The following CDYL2 variants were observed in gnomAD, a reference collection of about 807,000 sequenced individuals.
CDYL2 encodes chromodomain Y-like protein 2.
A neutral mutation model predicts 49.4 loss-of-function variants in CDYL2; 23 were observed. The ratio of observed to expected loss-of-function variants is 0.47; its 90% CI spans 0.34 to 0.66. CDYL2 has a LOEUF of 0.66. Ranked by LOEUF, CDYL2 falls within the 30% of genes least tolerant of loss-of-function variation. CDYL2 has a pLI of 0.01. For missense variants in CDYL2, 678 were observed against 656.4 expected (o/e 1.03, Z -0.36); for synonymous variants, 360 against 268.8 (o/e 1.34, Z -3.32).
chr16:80,788,873 C>A (rs1219541492), intron 1 of CDYL2, among the ~76,000 whole-genome samples: 1 of 152,100 alleles, frequency 6.6e-6, no homozygotes, highest in Non-Finnish European at 1.5e-5. Flanking sequence ...TACCCAGAAT[C>A]TACAAAGAAC....
At chr16:80,629,699 C>T (rs1030529445) in intron 3 of CDYL2, among the ~76,000 whole-genome samples, 1 of 152,214 alleles carries the variant, frequency 6.6e-6, no homozygotes, top group African/African-American at 2.4e-5. Flanking sequence ...TTAATGCACA[C>T]AGTAATGTAT....
intron 1 of CDYL2, among the ~76,000 whole-genome samples, chr16:80,756,494 T>G (rs1277448322): frequency 3.3e-5 from 5 of 152,134 alleles, no homozygotes; most frequent in African/African-American, 7.2e-5. Flanking sequence ...AGGAATTTTT[T>G]GGGTAAATAC....
chr16:80,781,537 T>C (rs140452453), intron 1 of CDYL2, among the ~76,000 whole-genome samples: 44 of 152,194 alleles, frequency 2.9e-4, no homozygotes, highest in Non-Finnish European at 2.2e-4. Flanking sequence ...CTATTAGACC[T>C]AACAGATACA....
rs149886150 is a variant in CDYL2, at chr16:80,771,948, G to C, written c.24+32202C>G. ...AGTGATGGAGAATAACTGCATATGA[G>C]GGGAACACCAGCAGAACCAGGGAGA... On this transcript the variant is annotated intron_variant, in intron 1 of 6. Transcript: ENST00000570137. 4.4e-4 allele frequency among the ~76,000 whole-genome samples: 67 copies of C among 152,196 alleles called. No homozygotes were observed. In the Middle Eastern group the frequency reaches 0.01, roughly 23 times the overall value.
At chr16:80,789,028 C>T (rs775608185) in intron 1 of CDYL2, among the ~76,000 whole-genome samples, 2 of 152,040 alleles carry the variant, frequency 1.3e-5, no homozygotes, top group African/African-American at 4.8e-5. Flanking sequence ...AAATGCTCAA[C>T]ATCACTAATC....
chr16:80,683,249 G>C (rs1458542545), intron 2 of CDYL2, among the ~76,000 whole-genome samples: 1 of 152,240 alleles, frequency 6.6e-6, no homozygotes, highest in African/African-American at 2.4e-5. Flanking sequence ...ACTCCTGTAA[G>C]ATTTCTGGAC....
chr16:80,798,634 A>G (rs963226032), intron 1 of CDYL2, among the ~76,000 whole-genome samples: 1 of 152,206 alleles, frequency 6.6e-6, no homozygotes, highest in African/African-American at 2.4e-5. Flanking sequence ...TGTTATCAGT[A>G]AGACTTCCAG....
chr16:80,762,506 G>C (rs1280507706), intron 1 of CDYL2, among the ~76,000 whole-genome samples: 2 of 152,186 alleles, frequency 1.3e-5, no homozygotes, highest in African/African-American at 4.8e-5. Context: ...GCGTCAGATG[G>C]CATCAAGTCA....
At chr16:80,769,452 G>C (rs549425668) in intron 1 of CDYL2, among the ~76,000 whole-genome samples, 4 of 152,292 alleles carry the variant, frequency 2.6e-5, no homozygotes, top group Admixed American at 2.0e-4. Flanking sequence ...TCATCCCTTA[G>C]TGTTGGCCAA....
rs567728224 is a variant in CDYL2 at position 80,619,039 on chromosome 16, G to A, written c.1007+1724C>T. ...GCTGGTTCCTTCTGGAAGTTCTGACGGAGAAGCTGTGTCAGGCCTCGCTCC... is the reference window on the plus strand; with the variant it reads ...GCTGGTTCCTTCTGGAAGTTCTGACAGAGAAGCTGTGTCAGGCCTCGCTCC... On this transcript the variant is annotated intron_variant, in intron 4 of 6. Coordinates refer to ENST00000570137, the MANE Select transcript of CDYL2 (RefSeq NM_152342.4). Among the ~76,000 whole-genome samples, 9 of 152,326 alleles carry A rather than the reference G, an allele frequency of 5.9e-5. No homozygotes were observed. In the South Asian group the frequency reaches 1.2e-3, roughly 21 times the overall value.
At chr16:80,731,049 G>C (rs1309715823) in intron 1 of CDYL2, among the ~76,000 whole-genome samples, 1 of 152,018 alleles carries the variant, frequency 6.6e-6, no homozygotes, top group Non-Finnish European at 1.5e-5. Context: ...CAACTTCCCA[G>C]GTAAAATATG....
At chr16:80,713,628 TC>T (rs1904696207) in intron 1 of CDYL2, among the ~76,000 whole-genome samples, 1 of 152,170 alleles carries the variant, frequency 6.6e-6, no homozygotes, top group Admixed American at 6.5e-5. Flanking sequence ...CATTAAGATC[TC>T]CTGTCTTCTA....
rs147714268 is a variant in CDYL2 at position 80,734,179 on chromosome 16, G to A, written c.25-49050C>T. Among the ~76,000 whole-genome samples, 38 of 152,256 alleles carry A rather than the reference G, an allele frequency of 2.5e-4. 1 individual carries two copies. In the East Asian group the frequency reaches 5.8e-3, roughly 23 times the overall value. On this transcript the variant is annotated intron_variant, in intron 1 of 6. Transcript: ENST00000570137. ...AGGGAATCCCATCATGCAAAGCTCC[G>A]TATTTCAATAGAGTTACCCAGAGAC...
chr16:80,757,424 T>C (rs984634074), intron 1 of CDYL2, among the ~76,000 whole-genome samples: 3 of 151,536 alleles, frequency 2.0e-5, no homozygotes, highest in South Asian at 2.1e-4. Context: ...CCTGTAGTAC[T>C]AGCTGCTCAG....
chr16:80,714,689 T>C (rs962411542), intron 1 of CDYL2, among the ~76,000 whole-genome samples: 1 of 152,112 alleles, frequency 6.6e-6, no homozygotes, highest in African/African-American at 2.4e-5. Flanking sequence ...CAGCATACCT[T>C]ACATCAATGC....
chr16:80,618,340 C>T (rs1906923372), intron 4 of CDYL2, among the ~76,000 whole-genome samples: 1 of 152,218 alleles, frequency 6.6e-6, no homozygotes, highest in African/African-American at 2.4e-5. Context: ...CCTCTTTCTC[C>T]ATGAATTTGG....
Position 80,604,473 on chromosome 16 carries a change from C to T in CDYL2, c.1436G>A (p.Cys479Tyr), listed in dbSNP as rs369680829. The change falls in exon 7 of 7, where the codon TGC (cysteine) becomes TAC (tyrosine). Residue 479 changes from cysteine (C) to tyrosine (Y), a missense_variant. Transcript: ENST00000570137. ...GCTCCAGAGCTGCTTGAGCATGAGG[C>T]ATTCCTTCTCGTTCACGTCTTCCAG... ...SVLEDVNEKE[C>Y]LMLKQLWSSS... 6.2e-7 allele frequency: 1 copy of T among 1,614,182 alleles called. No homozygotes were observed. Among genetic ancestry groups the T allele is most frequent in the East Asian group, 2.2e-5 (1 of 44,874 alleles).
chr16:80,751,019 T>TAA (rs35866282), intron 1 of CDYL2, among the ~76,000 whole-genome samples: 3 of 149,838 alleles, frequency 2.0e-5, no homozygotes, highest in African/African-American at 4.9e-5. Context: ...GATTCCATCT[T>TAA]AAAAAAAAAA....
chr16:80,624,321 C>G (rs1300403255), intron 3 of CDYL2, among the ~76,000 whole-genome samples: 1 of 152,140 alleles, frequency 6.6e-6, no homozygotes, highest in Non-Finnish European at 1.5e-5. Flanking sequence ...TTTATTTTTG[C>G]TGTAGGAAAA....
Sources: allele counts gnomAD v4.1 joint callset (sites outside exome capture counted in the v4.1 genomes callset), GRCh38; gene constraint gnomAD v4.1.1; transcripts MANE v1.5; gene names NCBI Gene and HGNC (gene_info 2026-07-23, HGNC 2026-07-21).